The following RGS6 variants were observed in gnomAD, a reference collection of about 807,000 sequenced individuals.
The protein encoded by RGS6 is regulator of G protein signaling 6, also known as regulator of G-protein signaling 6.
RGS6 carries 30 observed loss-of-function variants against 78.5 expected under a neutral mutation model. The ratio of observed to expected loss-of-function variants is 0.38; its 90% CI spans 0.29 to 0.52. The LOEUF (loss-of-function observed/expected upper bound fraction) is 0.52. Ranked by LOEUF, RGS6 falls within the 20% of genes least tolerant of loss-of-function variation. RGS6 has a pLI of 0.85. For missense variants in RGS6, 495 were observed against 609.7 expected (o/e 0.81, Z 1.98); for synonymous variants, 206 against 206.0 (o/e 1.00, Z 0.00).
At chr14:71,983,814 G>A (rs893412645) in intron 2 of RGS6, among the ~76,000 whole-genome samples, 1 of 152,142 alleles carries the variant, frequency 6.6e-6, no homozygotes, top group Non-Finnish European at 1.5e-5. Context: ...CAAGTCCCAG[G>A]GTTTAGGACT....
intron 2 of RGS6, among the ~76,000 whole-genome samples, chr14:72,305,001 T>A (rs777636623): frequency 6.6e-6 from 1 of 152,174 alleles, no homozygotes; most frequent in South Asian, 2.1e-4. Flanking sequence ...ACCCAGGACA[T>A]TACCAAACTT....
At chr14:72,595,426 T>C in the RGS6 span, among the ~76,000 whole-genome samples, 2 of 151,800 alleles carry the variant, frequency 1.3e-5, no homozygotes, top group Non-Finnish European at 2.9e-5. Context: ...CCAAAGGCAC[T>C]GACTAAATCA....
chr14:71,915,691 G>C, the RGS6 span, among the ~76,000 whole-genome samples: 1 of 152,146 alleles, frequency 6.6e-6, no homozygotes, highest in South Asian at 2.1e-4. Context: ...TTCAGTGTAG[G>C]TTTGTGTTAT....
chr14:72,364,790 C>T (rs142239848), intron 3 of RGS6, among the ~76,000 whole-genome samples: 26 of 152,236 alleles, frequency 1.7e-4, no homozygotes, highest in African/African-American at 3.4e-4. Context: ...ACCAATGGCA[C>T]GATGATGACA....
At chr14:71,897,677 C>T in the RGS6 span, among the ~76,000 whole-genome samples, 18 of 144,274 alleles carry the variant, frequency 1.2e-4, no homozygotes, top group Admixed American at 4.1e-4. Flanking sequence ...CCCACCACCA[C>T]GCCCAGCTAA....
chr14:72,530,527 A>C (rs551415224), intron 15 of RGS6, among the ~76,000 whole-genome samples: 13 of 152,214 alleles, frequency 8.5e-5, no homozygotes, highest in African/African-American at 3.1e-4. Context: ...GTCTCTACTA[A>C]AAAATATATA....
At chr14:72,151,616 C>T (rs1034018271) in intron 2 of RGS6, among the ~76,000 whole-genome samples, 4 of 152,168 alleles carry the variant, frequency 2.6e-5, no homozygotes, top group Non-Finnish European at 5.9e-5. Context: ...CCCACTCTTA[C>T]AGTTGACGGG....
intron 2 of RGS6, among the ~76,000 whole-genome samples, chr14:72,336,528 AGAGAGAG>A (rs2076060498): frequency 6.7e-6 from 1 of 148,428 alleles, no homozygotes; most frequent in Non-Finnish European, 1.5e-5. Flanking sequence ...AGAGAGAGAG[AGAGAGAG>A]CGCGCATAGG....
At chr14:71,986,264 C>T (rs1385129996) in intron 2 of RGS6, among the ~76,000 whole-genome samples, 2 of 152,138 alleles carry the variant, frequency 1.3e-5, no homozygotes, top group African/African-American at 4.8e-5. Context: ...AGGAGTAGAC[C>T]TTTCCTTTCA....
At chr14:72,313,412 C>CT (rs1247416345) in intron 2 of RGS6, among the ~76,000 whole-genome samples, 1 of 152,260 alleles carries the variant, frequency 6.6e-6, no homozygotes, top group Non-Finnish European at 1.5e-5. Flanking sequence ...CAGCTTGCCA[C>CT]TTAGTGGGCA....
At chr14:71,999,215 G>A (rs139201811) in intron 2 of RGS6, among the ~76,000 whole-genome samples, 1 of 152,336 alleles carries the variant, frequency 6.6e-6, no homozygotes, top group African/African-American at 2.4e-5. Flanking sequence ...AAACCGGAGA[G>A]CGTCAGTCGA....
intron 3 of RGS6, among the ~76,000 whole-genome samples, chr14:72,395,188 A>C (rs151009265): frequency 6.6e-6 from 1 of 152,358 alleles, no homozygotes; most frequent in Non-Finnish European, 1.5e-5. Context: ...CTCATTTTAA[A>C]GGACTCAAGA....
chr14:72,278,393 G>C (rs2061037769), intron 2 of RGS6, among the ~76,000 whole-genome samples: 1 of 152,216 alleles, frequency 6.6e-6, no homozygotes, highest in Non-Finnish European at 1.5e-5. Context: ...AGACTTAGCT[G>C]ACCTCACTTT....
intron 3 of RGS6, among the ~76,000 whole-genome samples, chr14:72,437,023 T>C (rs1050105092): frequency 2.0e-5 from 3 of 152,176 alleles, no homozygotes; most frequent in South Asian, 2.1e-4. Context: ...TTCATTTTTT[T>C]ATTGTCAACA....
intron 2 of RGS6, among the ~76,000 whole-genome samples, chr14:72,021,001 C>G (rs1016432961): frequency 1.3e-5 from 2 of 152,098 alleles, no homozygotes; most frequent in Non-Finnish European, 2.9e-5. Flanking sequence ...AGGAGCAAGC[C>G]CAGTTTGCTT....
intron 2 of RGS6, among the ~76,000 whole-genome samples, chr14:72,268,054 C>T (rs1260127066): frequency 1.3e-5 from 2 of 152,162 alleles, no homozygotes; most frequent in South Asian, 2.1e-4. Context: ...TTCATGTCCT[C>T]GCAATTATTC....
At chr14:72,185,565 C>G (rs191232804) in intron 2 of RGS6, among the ~76,000 whole-genome samples, 547 of 152,240 alleles carry the variant, frequency 3.6e-3, no homozygotes, top group Non-Finnish European at 5.9e-3. Flanking sequence ...ATGTGGTTAA[C>G]TAGTGTAGAG....
chr14:72,084,510 C>A (rs1359130492), intron 2 of RGS6, among the ~76,000 whole-genome samples: 2 of 152,180 alleles, frequency 1.3e-5, no homozygotes, highest in African/African-American at 2.4e-5. Context: ...GCTTTGGGTA[C>A]CTCATTTGTA....
intron 2 of RGS6, among the ~76,000 whole-genome samples, chr14:71,992,030 T>TC (rs1398195614): frequency 2.0e-5 from 3 of 151,100 alleles, no homozygotes; most frequent in Admixed American, 1.3e-4. Context: ...ATCTTTTTTT[T>TC]TTTTTTTTGA....
Sources: allele counts gnomAD v4.1 joint callset (sites outside exome capture counted in the v4.1 genomes callset), GRCh38; gene constraint gnomAD v4.1.1; transcripts MANE v1.5; gene names NCBI Gene and HGNC (gene_info 2026-07-23, HGNC 2026-07-21).